The following FCER2 variants were observed in gnomAD, a reference collection of about 807,000 sequenced individuals.
FCER2 encodes the protein Fc epsilon receptor II.
In FCER2, 38 loss-of-function variants were observed where a neutral mutation model predicts 49.7. The ratio of observed to expected loss-of-function variants is 0.76; its 90% CI spans 0.59 to 1.00. The LOEUF (loss-of-function observed/expected upper bound fraction) is 1.00. Among genes scored for constraint, FCER2 ranks in the 50% least tolerant of loss-of-function variants. The pLI, the probability that FCER2 is intolerant of heterozygous loss-of-function variation, is 0.00. For synonymous variants in FCER2, 163 were observed against 164.6 expected, an observed-to-expected ratio of 0.99 and a Z score of 0.07; for missense variants, 425 against 419.5, an observed-to-expected ratio of 1.01 and a Z score of -0.11.
intron 2 of FCER2, chr19:7,699,472 A>C: frequency 7.0e-7 from 1 of 1,422,220 alleles, no homozygotes. Flanking sequence ...TCCCTAGCTG[A>C]AGCCGTTTTT....
intron 6 of FCER2, 41 bp from the exon 7 acceptor site, chr19:7,697,116 G>T: frequency 1.2e-6 from 2 of 1,611,976 alleles, no homozygotes; most frequent in Non-Finnish European, 1.7e-6. Context: ...CAGGGAGGAT[G>T]TGTACAGGCC....
chr19:7,699,342 T>C (rs1415531139), intron 2 of FCER2: 2 of 1,227,202 alleles, frequency 1.6e-6, no homozygotes, highest in East Asian at 4.9e-5. Flanking sequence ...TCTATCTGGA[T>C]GTCCCACCTC....
At position 7,690,537 on chromosome 19, in the gene FCER2, G is replaced by T; in HGVS notation, c.490C>A (p.Pro164Thr). The T allele has an allele frequency of 6.2e-7, 1 of 1,613,376 alleles. No individual in the cohort carries two copies. Among genetic ancestry groups the T allele is most frequent in the Non-Finnish European group, 8.5e-7 (1 of 1,179,958 alleles). The change falls in exon 9 of 11, where the codon CCT becomes ACT. Residue 164 changes from proline to threonine, a missense_variant. Coordinates refer to ENST00000597921, the MANE Select transcript of FCER2 (RefSeq NM_001220500.2). Reference sequence around the variant, plus strand: ...CGTTGGAAATTGATCCACTTTTCAGGGCACGTGTTGCACACAAAGCCTGGG... The same window carrying T: ...CGTTGGAAATTGATCCACTTTTCAGTGCACGTGTTGCACACAAAGCCTGGG... ...VSSGFVCNTC[P>T]EKWINFQRKC...
rs1423029918 is a variant in FCER2, at chr19:7,689,073, T to A, written c.*120A>T. On this transcript the variant is annotated 3_prime_UTR_variant, in exon 11 of 11. Transcript: ENST00000597921. ...AGGGGCCATAGAGGAGCGGGAGATG[T>A]GTCAGCTGCCTCCGTTTGGGTGGCA... 1 of 691,546 alleles carries A rather than the reference T, an allele frequency of 1.4e-6. No individual in the cohort carries two copies. The highest frequency in any genetic ancestry group is 1.8e-5 in the African/African-American group (1 of 56,384). The allele number at this position is 691,546 out of a possible 1,614,324, so 42.8% of individuals were successfully genotyped here. A position where few individuals can be genotyped will look rare whatever the true frequency, so the allele number is the denominator to read the frequency against.
At chr19:7,699,939 T>C (rs2033118449) in intron 1 of FCER2, 94 bp from the exon 2 acceptor site, 1 of 648,260 alleles carries the variant, frequency 1.5e-6, no homozygotes, top group Admixed American at 2.4e-5. Context: ...TCAGGGGCCA[T>C]TTGCTGATTT....
chr19:7,700,484 G>A (rs146982672), intron 1 of FCER2, among the ~76,000 whole-genome samples: 1 of 151,518 alleles, frequency 6.6e-6, no homozygotes, highest in Non-Finnish European at 1.5e-5. Flanking sequence ...AATGTCCCCA[G>A]GGCATCTGTA....
At chr19:7,700,799 C>T (rs1386356999) in intron 1 of FCER2, among the ~76,000 whole-genome samples, 2 of 149,996 alleles carry the variant, frequency 1.3e-5, no homozygotes. Context: ...AGGCGTGAGC[C>T]ACTGTGCATG....
rs773330209 is a variant in FCER2 at position 7,698,361 on chromosome 19, C to G, written c.185G>C (p.Arg62Pro). ...CCACCTTGACCCCTTCATACCGTTC[C>G]GGGCAGCCCTCTCTTCCAGCTGTTT... The part of the protein sequence containing the change: ...SLKQLEERAA[R>P]NVSQVSKNLE... Residue 62 changes from arginine (R) to proline (P), a missense_variant, in exon 4 of 11, where the codon CGG (arginine) becomes CCG (proline). Coordinates refer to ENST00000597921, the MANE Select transcript of FCER2 (RefSeq NM_001220500.2). 1.6e-5 allele frequency: 25 copies of G among 1,610,980 alleles called. No homozygotes were observed. The highest frequency in any genetic ancestry group is 7.7e-5 in the South Asian group (7 of 90,708).
chr19:7,695,583 C>G (rs2032988853), intron 8 of FCER2, among the ~76,000 whole-genome samples: 2 of 151,868 alleles, frequency 1.3e-5, no homozygotes, highest in Admixed American at 1.3e-4. Flanking sequence ...CAGGACCAGC[C>G]TGGGCAACAT....
intron 8 of FCER2, 167 bp downstream of exon 8, chr19:7,696,658 A>G (rs2033020106): frequency 3.3e-6 from 2 of 614,050 alleles, no homozygotes; most frequent in Non-Finnish European, 5.8e-6. Flanking sequence ...ATCCAAGCAC[A>G]CTCCCCACCC....
At chr19:7,699,553 A>G in intron 2 of FCER2, 186 bp downstream of exon 2, 1 of 1,208,370 alleles carries the variant, frequency 8.3e-7, no homozygotes, top group South Asian at 1.5e-5. Context: ...TCAATTTGCC[A>G]CTCCTTCCTG....
Position 7,689,151 on chromosome 19 carries a change from G to C in FCER2, c.*42C>G. The C allele has an allele frequency of 7.2e-7, 1 of 1,383,064 alleles. No homozygotes were observed. The highest frequency in any genetic ancestry group is 1.4e-5 in the African/African-American group (1 of 70,334). 85.7% of individuals were successfully genotyped at this position (1,383,064 alleles called of 1,614,324 possible). A position where few individuals can be genotyped will look rare whatever the true frequency, so the allele number is the denominator to read the frequency against. ...CAAAGAGGCTTTTAGGCCGTGGTTG[G>C]GGGTCTTCAGGGTCTTGCTCTGGGC... On this transcript the variant is annotated 3_prime_UTR_variant, in exon 11 of 11. Transcript: ENST00000597921.
At position 7,697,257 on chromosome 19, in the gene FCER2, G is replaced by C. The variant is rs542037732; in HGVS notation, c.295C>G (p.Gln99Glu). The change falls in exon 6 of 11, where the codon CAG becomes GAG. Residue 99 changes from glutamine to glutamate, a missense_variant. By Grantham distance (29) the Gln-to-Glu change is conservative. Coordinates refer to ENST00000597921, the MANE Select transcript of FCER2 (RefSeq NM_001220500.2). Reference protein sequence around the residue: ...SQELEELRAEQQRLKSQDLEL... With the variant: ...SQELEELRAEEQRLKSQDLEL... ...TCACCCTGAGATTTCAATCTCTGCT[G>C]TTCAGCTCGAAGTTCCTCCAGTTCC... 6.4e-5 allele frequency: 103 copies of C among 1,614,152 alleles called. 1 individual carries two copies. In the East Asian group the frequency reaches 2.1e-3, roughly 33 times the overall value.
chr19:7,700,627 G>A lies in FCER2; in HGVS notation c.-85-782C>T, dbSNP rs1042417504. Among the ~76,000 whole-genome samples the A allele has an allele frequency of 2.6e-5, 4 of 151,836 alleles. 1 individual carries two copies. The highest frequency in any genetic ancestry group is 4.2e-4 in the South Asian group (2 of 4,812). On this transcript the variant is annotated intron_variant, in intron 1 of 10. Transcript: ENST00000597921. ...CCTCCTGGGTTCAAGCGATTCTCCC[G>A]CCTCAGCCTCCCGAGTAGCTGGGAC...
Position 7,692,569 on chromosome 19 carries a change from C to T in FCER2, c.470-2012G>A, listed in dbSNP as rs1268446857. On this transcript the variant is annotated intron_variant, in intron 8 of 10. Transcript: ENST00000597921. ...ATGAACACATTCATGCCCAACAACA[C>T]GTAAACCCCTAACACTGTCACCACA... is the stretch of plus-strand genomic sequence containing the variant. Among the ~76,000 whole-genome samples the T allele has an allele frequency of 5.9e-5, 9 of 152,286 alleles. No individual in the cohort carries two copies. The South Asian group carries it at 1.5e-3, about 25-fold the overall frequency.
In FCER2 at chr19:7,698,736, C is replaced by T. The variant is rs1180055173; in HGVS notation, c.136+5G>A. The T allele has an allele frequency of 3.7e-6, 6 of 1,611,462 alleles. No homozygotes were observed. Among genetic ancestry groups the T allele is most frequent in the Non-Finnish European group, 5.1e-6 (6 of 1,179,160 alleles). On this transcript the variant is annotated splice_donor_5th_base_variant and intron_variant, in intron 3 of 10. Transcript: ENST00000597921. ...GGGACCACATGGAGCTGGGGGTGTC[C>T]TCACGCCACAGGAGAAGCAGAGTCA... is the stretch of plus-strand genomic sequence containing the variant.
intron 8 of FCER2, 47 bp downstream of exon 8, chr19:7,696,778 C>T: frequency 7.0e-7 from 1 of 1,438,802 alleles, no homozygotes; most frequent in Non-Finnish European, 9.6e-7. Flanking sequence ...ACGCCCGAGC[C>T]CCAGGTGAGG....
Position 7,689,400 on chromosome 19 carries a change from C to T in FCER2, c.759G>A (p.Arg253=). 6.2e-7 allele frequency: 1 copy of T among 1,601,686 alleles called. No individual in the cohort carries two copies. The highest frequency in any genetic ancestry group is 8.5e-7 in the Non-Finnish European group (1 of 1,173,920). ...SNWAPGEPTS[R]SQGEDCVMMR... ...TCATCACGCAGTCCTCGCCCTGGCT[C>T]CGGCTGGTGGGCTCCCCTGGAGCCC... is the stretch of plus-strand genomic sequence containing the variant. The change falls in exon 11 of 11, where the codon CGG becomes CGA. Residue 253 remains arginine, a synonymous_variant. Coordinates refer to ENST00000597921, the MANE Select transcript of FCER2 (RefSeq NM_001220500.2).
intron 3 of FCER2, 124 bp from the exon 4 acceptor site, chr19:7,698,533 G>A (rs1056620480): frequency 5.4e-5 from 50 of 919,356 alleles, no homozygotes; most frequent in Admixed American, 2.2e-4. Context: ...TGAAAGTGTG[G>A]AGGACAGGGA....
Sources: gnomAD v4.1 joint callset for allele counts (sites outside exome capture counted in the v4.1 genomes callset) on GRCh38, gnomAD v4.1.1 for gene constraint, MANE v1.5 for transcripts, NCBI Gene and HGNC (gene_info 2026-07-23, HGNC 2026-07-21) for gene names.